The following CLASP1 variants were observed in gnomAD, a reference collection of about 807,000 sequenced individuals.
CLASP1 encodes cytoplasmic linker associated protein 1.
In CLASP1, 38 loss-of-function variants were observed where a neutral mutation model predicts 192.3. The observed-to-expected ratio is 0.20, with a 90% confidence interval of 0.15 to 0.26. The LOEUF is 0.26. Among genes scored for constraint, CLASP1 ranks in the 10% least tolerant of loss-of-function variants. CLASP1 has a pLI of 1.00. For missense variants in CLASP1, 1,433 were observed against 1,932.5 expected, an observed-to-expected ratio of 0.74 and a Z score of 4.85; for synonymous variants, 691 against 712.8, an observed-to-expected ratio of 0.97 and a Z score of 0.49.
intron 8 of CLASP1, chr2:121,490,374 C>T (rs1330238171): frequency 2.3e-6 from 1 of 433,734 alleles, no homozygotes; most frequent in Non-Finnish European, 4.6e-6. Context: ...GCAAACTCTC[C>T]ACCCACACTT....
chr2:121,522,135 T>C (rs187997455), intron 6 of CLASP1, among the ~76,000 whole-genome samples: 22 of 152,246 alleles, frequency 1.4e-4, no homozygotes, highest in East Asian at 5.8e-4. Context: ...TGTGTGTGTG[T>C]GCGCGCACGT....
At chr2:121,364,964 C>G in intron 36 of CLASP1, 130 bp downstream of exon 37, 1 of 858,564 alleles carries the variant, frequency 1.2e-6, no homozygotes, top group East Asian at 2.7e-5. Flanking sequence ...GAAAAATGAA[C>G]AAATAAATGT....
chr2:121,449,353 T>C (rs1308458579), intron 16 of CLASP1, among the ~76,000 whole-genome samples: 1 of 152,104 alleles, frequency 6.6e-6, no homozygotes, highest in Admixed American at 6.6e-5. Flanking sequence ...TCAGCCTCAT[T>C]TATAACATGG....
intron 7 of CLASP1, among the ~76,000 whole-genome samples, chr2:121,510,853 G>A (rs564471867): frequency 6.6e-6 from 1 of 151,436 alleles, no homozygotes; most frequent in Admixed American, 6.6e-5. Context: ...ATGGACGAAT[G>A]AATGAATGAA....
At chr2:121,629,682 T>C (rs1465706777) in intron 1 of CLASP1, among the ~76,000 whole-genome samples, 2 of 151,702 alleles carry the variant, frequency 1.3e-5, no homozygotes, top group Non-Finnish European at 2.9e-5. Context: ...TCCCACGTAC[T>C]TGAGAGACTG....
chr2:121,432,493 C>T (rs2081604027), intron 19 of CLASP1, among the ~76,000 whole-genome samples: 1 of 152,214 alleles, frequency 6.6e-6, no homozygotes, highest in African/African-American at 2.4e-5. Flanking sequence ...AAGCCCTTTG[C>T]TGTCTTCCAT....
intron 34 of CLASP1, among the ~76,000 whole-genome samples, chr2:121,373,861 A>C (rs916958347): frequency 6.6e-6 from 1 of 152,254 alleles, no homozygotes; most frequent in South Asian, 2.1e-4. Flanking sequence ...AAATGACCTG[A>C]AACTAGAACC....
chr2:121,401,825 TGTA>T, intron 27 of CLASP1, 40 bp downstream of exon 28: 2 of 775,172 alleles, frequency 2.6e-6, no homozygotes, highest in Non-Finnish European at 4.7e-6. Flanking sequence ...AGAAGGAAAA[TGTA>T]GTGCAGAAAA....
intron 1 of CLASP1, among the ~76,000 whole-genome samples, chr2:121,611,629 C>T (rs570252443): frequency 1.0e-4 from 9 of 86,400 alleles, no homozygotes; most frequent in African/African-American, 3.7e-4. Context: ...GGAAGAGGAA[C>T]TGGAGGAAGA....
At chr2:121,370,363 CGCCCAG>C (rs1450198574) in intron 34 of CLASP1, among the ~76,000 whole-genome samples, 1 of 152,100 alleles carries the variant, frequency 6.6e-6, no homozygotes. Flanking sequence ...TCACTCTTGT[CGCCCAG>C]GCTGGAGTGT....
intron 28 of CLASP1, among the ~76,000 whole-genome samples, chr2:121,399,535 A>G (rs759340071): frequency 5.9e-5 from 9 of 152,218 alleles, no homozygotes; most frequent in Non-Finnish European, 1.0e-4. Flanking sequence ...TTAGCACTCA[A>G]GTCTATAAAC....
intron 14 of CLASP1, 109 bp downstream of exon 14, chr2:121,457,578 A>G (rs1319397945): frequency 1.3e-6 from 1 of 778,880 alleles, no homozygotes; most frequent in Non-Finnish European, 2.1e-6. Context: ...AGTGATTTTA[A>G]GTAATACTAA....
chr2:121,451,059 G>T, intron 15 of CLASP1, 69 bp from the exon 16 acceptor site: 1 of 1,064,852 alleles, frequency 9.4e-7, no homozygotes, highest in Non-Finnish European at 1.4e-6. Context: ...AACCAGGTGG[G>T]AGAAATAACT....
intron 8 of CLASP1, among the ~76,000 whole-genome samples, chr2:121,485,934 G>C (rs947315059): frequency 2.0e-5 from 3 of 152,180 alleles, no homozygotes; most frequent in Non-Finnish European, 4.4e-5. Context: ...GGAGCCTTAG[G>C]AAAGCGAATT....
At chr2:121,444,862 G>T in intron 19 of CLASP1, 2 of 928,464 alleles carry the variant, frequency 2.2e-6, no homozygotes, top group Non-Finnish European at 3.1e-6. Context: ...GGACAAGTGG[G>T]TACTGGGCAA....
At chr2:121,570,652 G>T (rs2059903550) in intron 2 of CLASP1, among the ~76,000 whole-genome samples, 1 of 152,200 alleles carries the variant, frequency 6.6e-6, no homozygotes, top group Non-Finnish European at 1.5e-5. Flanking sequence ...TCCTTCTACA[G>T]TGTGAAAACT....
At chr2:121,461,002 A>G in intron 11 of CLASP1, 99 bp downstream of exon 11, 1 of 722,348 alleles carries the variant, frequency 1.4e-6, no homozygotes, top group South Asian at 1.7e-5. Flanking sequence ...AATATGTACT[A>G]TTTAGAATTC....
intron 23 of CLASP1, among the ~76,000 whole-genome samples, chr2:121,412,330 C>T (rs905744296): frequency 6.6e-6 from 1 of 151,942 alleles, no homozygotes; most frequent in African/African-American, 2.4e-5. Context: ...TCATCTTAAC[C>T]ATTATGTTTA....
intron 1 of CLASP1, among the ~76,000 whole-genome samples, chr2:121,622,759 T>G (rs2067600972): frequency 1.3e-5 from 2 of 152,192 alleles, no homozygotes; most frequent in Admixed American, 6.5e-5. Context: ...GAGGAGCTCA[T>G]AACAGTTTTA....
Sources: allele counts gnomAD v4.1 joint callset (sites outside exome capture counted in the v4.1 genomes callset), GRCh38; gene constraint gnomAD v4.1.1; transcripts MANE v1.5; gene names NCBI Gene and HGNC (gene_info 2026-07-23, HGNC 2026-07-21).